The following C9orf50 variants were observed in gnomAD, a reference collection of about 807,000 sequenced individuals.
C9orf50 encodes uncharacterized protein C9orf50.
C9orf50 carries 33 observed loss-of-function variants against 42.5 expected under a neutral mutation model. That is an observed-to-expected ratio of 0.78 (90% confidence interval 0.59 to 1.04). The LOEUF (loss-of-function observed/expected upper bound fraction) is 1.04, where lower values mean the gene tolerates loss of function less well. Ranked by LOEUF, C9orf50 falls within the 50% of genes least tolerant of loss-of-function variation. C9orf50 has a pLI of 0.00. For synonymous variants in C9orf50, 257 were observed against 273.4 expected, an observed-to-expected ratio of 0.94 and a Z score of 0.59; for missense variants, 547 against 594.3, an observed-to-expected ratio of 0.92 and a Z score of 0.83.
chr9:129,616,745 T>C (rs1306326836), intron 3 of C9orf50, among the ~76,000 whole-genome samples: 1 of 152,206 alleles, frequency 6.6e-6, no homozygotes, highest in Admixed American at 6.5e-5. Context: ...ATCTGTTATA[T>C]GTATATTTCA....
In C9orf50 at chr9:129,615,579, G is replaced by A. The variant is rs1172067332; in HGVS notation, c.785C>T (p.Ser262Phe). Reference sequence around the variant, plus strand: ...AGGGCAACGCTGCCTGCAGGGCCTAGAGCCTTCCCCCGAGGGGTTGTGGGT... The same window carrying A: ...AGGGCAACGCTGCCTGCAGGGCCTAAAGCCTTCCCCCGAGGGGTTGTGGGT... The change falls in exon 4 of 7, where the codon TCT (serine) becomes TTT (phenylalanine). Residue 262 changes from serine (S) to phenylalanine (F), a missense_variant. This residue lies in a region of C9orf50 where 334 missense variants were observed against 323.7 expected (regional missense o/e 1.03). Transcript: ENST00000372478. 1.9e-6 allele frequency: 3 copies of A among 1,608,032 alleles called. No homozygotes were observed. The Admixed American group carries it at 5.0e-5, about 27-fold the overall frequency.
Position 129,613,092 on chromosome 9 carries a change from A to G in C9orf50, c.1188+15T>C. 6.2e-7 allele frequency: 1 copy of G among 1,613,660 alleles called. No homozygotes were observed. The highest frequency in any genetic ancestry group is 8.5e-7 in the Non-Finnish European group (1 of 1,179,992). On this transcript the variant is annotated intron_variant, in intron 6 of 6. Transcript: ENST00000372478. This position sits in a 1 kb window ranked among gnomAD's most constrained non-coding sequence, Gnocchi z 6.2. Reference sequence around the variant, plus strand: ...TCACCAGCTTCTAGGTCCAGGAGCAAGACCATTTGCCCACCTGCTCCAGGT... The same window carrying G: ...TCACCAGCTTCTAGGTCCAGGAGCAGGACCATTTGCCCACCTGCTCCAGGT...
exon 2 of C9orf50, chr9:129,619,818 G>C (rs1388746183): frequency 7.4e-6 from 12 of 1,614,000 alleles, no homozygotes; most frequent in Non-Finnish European, 1.0e-5. Context: ...TTGATGTTGC[G>C]GTGCTGGGGA....
rs769327680 is a variant in C9orf50, at chr9:129,613,191, G to A, written c.1104C>T (p.Pro368=). ...CAGCGGCCTTCTTCCATGAACAGAA[G>A]GGCAGGCTGCTGTTCATGGAGGTGT... The change falls in exon 6 of 7, where the codon CCC becomes CCT. Residue 368 remains proline, a synonymous_variant. Coordinates refer to ENST00000372478, the Ensembl canonical transcript of C9orf50. The surrounding 1 kb of genome is among the most constrained non-coding windows in gnomAD (Gnocchi z 6.2). 9.3e-6 allele frequency: 15 copies of A among 1,613,698 alleles called. No homozygotes were observed. Among genetic ancestry groups the A allele is most frequent in the Non-Finnish European group, 1.1e-5 (13 of 1,180,014 alleles).
At position 129,620,413 on chromosome 9, in the gene C9orf50, G is replaced by A; in HGVS notation, c.162C>T (p.Ile54=). The A allele has an allele frequency of 8.1e-7, 1 of 1,241,992 alleles. No homozygotes were observed. Among genetic ancestry groups the A allele is most frequent in the East Asian group, 3.2e-5 (1 of 31,552 alleles). 76.9% of individuals were successfully genotyped at this position (1,241,992 alleles called of 1,614,324 possible). A position where few individuals can be genotyped will look rare whatever the true frequency, so the allele number is the denominator to read the frequency against. ...GCCACCACGCGGCGCCGCCCCCCGG[G>A]ATCCTCCAGTCCCCGGAGCCCCGCG... The change falls in exon 1 of 7, where the codon ATC becomes ATT. Residue 54 remains isoleucine, a synonymous_variant. Coordinates refer to ENST00000372478, the Ensembl canonical transcript of C9orf50. This position sits in a 1 kb window ranked among gnomAD's most constrained non-coding sequence, Gnocchi z 5.8.
In C9orf50 at chr9:129,613,173, C is replaced by A. The variant is rs779358343; in HGVS notation, c.1122G>T (p.Lys374Asn). The change falls in exon 6 of 7, where the codon AAG becomes AAT. Residue 374 changes from lysine (K) to asparagine (N), a missense_variant. Transcript: ENST00000372478. The surrounding 1 kb of genome is among the most constrained non-coding windows in gnomAD (Gnocchi z 6.2). ...TGCTTCGCGGCCTCTGAGCAGCGGC[C>A]TTCTTCCATGAACAGAAGGGCAGGC... The A allele has an allele frequency of 1.8e-5, 29 of 1,613,650 alleles. No individual in the cohort carries two copies. The Middle Eastern group carries it at 2.5e-3, about 137-fold the overall frequency.
At position 129,620,044 on chromosome 9, in the gene C9orf50, C is replaced by T; in HGVS notation, c.508+23G>A. On this transcript the variant is annotated intron_variant, in intron 1 of 6. Coordinates refer to ENST00000372478, the Ensembl canonical transcript of C9orf50. This position sits in a 1 kb window ranked among gnomAD's most constrained non-coding sequence, Gnocchi z 5.8. ...CCACCGGAAATGACTCGGGCCCGCC[C>T]CCCGGGCCCCGCGGGGCCTCACTCA... 1.4e-6 allele frequency: 2 copies of T among 1,453,472 alleles called. No homozygotes were observed. Among genetic ancestry groups the T allele is most frequent in the South Asian group, 1.5e-5 (1 of 68,532 alleles). The allele number at this position is 1,453,472 out of a possible 1,614,324, so 90.0% of individuals were successfully genotyped here. A position where few individuals can be genotyped will look rare whatever the true frequency, so the allele number is the denominator to read the frequency against.
intron 1 of C9orf50, 97 bp downstream of exon 1, chr9:129,619,970 C>T (rs544557598): frequency 1.4e-6 from 2 of 1,480,392 alleles, no homozygotes; most frequent in Admixed American, 4.0e-5. Flanking sequence ...TAGCATCCTT[C>T]TAGCCTGGGT....
chr9:129,615,642 G>T lies in C9orf50; in HGVS notation c.722C>A (p.Pro241His), dbSNP rs529198199. The T allele has an allele frequency of 1.2e-5, 18 of 1,558,372 alleles. No homozygotes were observed. The African/African-American group carries it at 1.9e-4, about 17-fold the overall frequency. The change falls in exon 4 of 7, where the codon CCC becomes CAC. Residue 241 changes from proline (P) to histidine (H), a missense_variant. This residue lies in a region of C9orf50 where 334 missense variants were observed against 323.7 expected (regional missense o/e 1.03). Coordinates refer to ENST00000372478, the Ensembl canonical transcript of C9orf50. ...GAGCCTGGGGACCTGTGCACCGTGG[G>T]GCCTGCTGAGAGAGGGGAGAGGGGC...
exon 7 of C9orf50, chr9:129,612,445 G>A (rs747667473): frequency 2.1e-5 from 34 of 1,611,818 alleles, no homozygotes; most frequent in Non-Finnish European, 2.8e-5. Context: ...CGGTTGGGCA[G>A]GAGGGACTCC....
chr9:129,613,360 G>A lies in C9orf50; in HGVS notation c.1043+75C>T, dbSNP rs1830179950. 6 of 1,582,548 alleles carry A rather than the reference G, an allele frequency of 3.8e-6. No homozygotes were observed. Among genetic ancestry groups the A allele is most frequent in the Non-Finnish European group, 5.2e-6 (6 of 1,161,890 alleles). On this transcript the variant is annotated intron_variant, in intron 5 of 6. Coordinates refer to ENST00000372478, the Ensembl canonical transcript of C9orf50. This position sits in a 1 kb window ranked among gnomAD's most constrained non-coding sequence, Gnocchi z 6.2. ...CTGGCAACCCGCCTGCTGCTGGGTG[G>A]GGAGGTCTGTAGGCAAGGGGGGTGG...
Position 129,620,678 on chromosome 9 carries a change from G to C in C9orf50, c.-104C>G. 1.9e-6 allele frequency: 2 copies of C among 1,060,550 alleles called. No individual in the cohort carries two copies. The highest frequency in any genetic ancestry group is 2.4e-6 in the Non-Finnish European group (2 of 831,542). The allele number at this position is 1,060,550 out of a possible 1,614,324, so 65.7% of individuals were successfully genotyped here. A position where few individuals can be genotyped will look rare whatever the true frequency, so the allele number is the denominator to read the frequency against. ...CCAGCCCCAGGCCATAGTGCCCCGG[G>C]CGGGGCAGCGCGGTGCGGGGTGAAC... is the stretch of plus-strand genomic sequence containing the variant. On this transcript the variant is annotated 5_prime_UTR_variant, in exon 1 of 7. Transcript: ENST00000372478. The surrounding 1 kb of genome is among the most constrained non-coding windows in gnomAD (Gnocchi z 5.8).
At chr9:129,612,244 G>T in exon 7 of C9orf50, 1 of 938,968 alleles carries the variant, frequency 1.1e-6, no homozygotes, top group Non-Finnish European at 1.6e-6. Context: ...GACACCTACT[G>T]GCAGGTCCCA....
At chr9:129,612,479 G>C in intron 6 of C9orf50, 25 bp from the exon 7 acceptor site, 1 of 1,592,318 alleles carries the variant, frequency 6.3e-7, no homozygotes, top group Non-Finnish European at 8.6e-7. Flanking sequence ...AGGACCAGCT[G>C]GCTGCTACCA....
rs1830664044 is a variant in C9orf50 at position 129,620,751 on chromosome 9, A to C, written c.-177T>G. ...AGTGGCTTCAGGCGAGAGCTCCCAGAGCCTCTGTTTCCTCACCTGAAAAAT... is the reference window on the plus strand; with the variant it reads ...AGTGGCTTCAGGCGAGAGCTCCCAGCGCCTCTGTTTCCTCACCTGAAAAAT... On this transcript the variant is annotated 5_prime_UTR_variant, in exon 1 of 7. Transcript: ENST00000372478. The surrounding 1 kb of genome is among the most constrained non-coding windows in gnomAD (Gnocchi z 5.8). The C allele has an allele frequency of 2.0e-6, 1 of 503,556 alleles. No individual in the cohort carries two copies. The highest frequency in any genetic ancestry group is 3.1e-6 in the Non-Finnish European group (1 of 323,780). 31.2% of individuals were successfully genotyped at this position (503,556 alleles called of 1,614,324 possible).
upstream of C9orf50, among the ~76,000 whole-genome samples, chr9:129,621,646 G>T (rs532977538): frequency 3.2e-4 from 48 of 152,332 alleles, no homozygotes; most frequent in South Asian, 9.5e-3. Flanking sequence ...GGGATCACAG[G>T]CGTGAGTCCC....
At position 129,613,563 on chromosome 9, in the gene C9orf50, G is replaced by A; in HGVS notation, c.915C>T (p.Ala305=). The change falls in exon 5 of 7, where the codon GCC becomes GCT. Residue 305 remains alanine (A), a synonymous_variant. Transcript: ENST00000372478. This position sits in a 1 kb window ranked among gnomAD's most constrained non-coding sequence, Gnocchi z 6.2. ...ACACCCGCTCGGACGCCACTGGCAG[G>A]GCGGCCTTCTGGTTCACAATGACGC... The A allele has an allele frequency of 6.2e-7, 1 of 1,614,142 alleles. No individual in the cohort carries two copies. The highest frequency in any genetic ancestry group is 1.1e-5 in the South Asian group (1 of 91,080).
intron 6 of C9orf50, among the ~76,000 whole-genome samples, chr9:129,612,808 C>T (rs145148972): frequency 1.2e-3 from 178 of 151,994 alleles, no homozygotes; most frequent in African/African-American, 4.2e-3. Context: ...CCAGCCTGGG[C>T]GACAGAGCAA....
rs142148319 is a variant in C9orf50 at position 129,615,532 on chromosome 9, C to T, written c.832G>A (p.Glu278Lys). ...CGGAGCGTTGTGTCCTGCAGGGTCT[C>T]GTCAGCGAATCGCACCCGGAAAGGG... The change falls in exon 4 of 7, where the codon GAG becomes AAG. Residue 278 changes from glutamate (E) to lysine (K), a missense_variant. Glu to Lys is a moderately conservative substitution (Grantham distance 56). Transcript: ENST00000372478. 345 of 1,611,004 alleles carry T rather than the reference C, an allele frequency of 2.1e-4. 2 individuals are homozygous for T. In the East Asian group the frequency reaches 4.8e-3, roughly 22 times the overall value.
Sources: allele counts gnomAD v4.1 joint callset (sites outside exome capture counted in the v4.1 genomes callset), GRCh38; gene constraint gnomAD v4.1.1; regional missense constraint gnomAD v4.1.1; non-coding constraint Gnocchi (gnomAD v3.1); transcripts MANE v1.5; gene names NCBI Gene and HGNC (gene_info 2026-07-23, HGNC 2026-07-21).